The following DLG2 variants were observed in gnomAD, a reference collection of about 807,000 sequenced individuals.
DLG2 encodes discs large MAGUK scaffold protein 2.
In DLG2, 45 loss-of-function variants were observed where a neutral mutation model predicts 132.5. That is an observed-to-expected ratio of 0.34 (90% CI 0.27 to 0.44). The LOEUF is 0.44. Among genes scored for constraint, DLG2 ranks in the 20% least tolerant of loss-of-function variants. The probability of loss-of-function intolerance (pLI) is 1.00; values close to 1 mark genes in which losing one functional copy is unlikely to be tolerated. For missense variants in DLG2, 1,045 were observed against 1,196.9 expected (o/e 0.87, Z 1.87); for synonymous variants, 424 against 419.6 (o/e 1.01, Z -0.13).
intron 2 of DLG2, among the ~76,000 whole-genome samples, chr11:85,608,852 ATGTCAT>A (rs1401075525): frequency 6.6e-6 from 1 of 152,170 alleles, no homozygotes; most frequent in Non-Finnish European, 1.5e-5. Context: ...TTTTGGAGAG[ATGTCAT>A]GCTATTGTTA....
chr11:85,226,987 C>G (rs1423720150), intron 4 of DLG2, among the ~76,000 whole-genome samples: 1 of 152,106 alleles, frequency 6.6e-6, no homozygotes, highest in Non-Finnish European at 1.5e-5. Flanking sequence ...AATTAGACAT[C>G]TTGGCTTCTT....
At chr11:85,243,442 C>T (rs896993490) in intron 4 of DLG2, among the ~76,000 whole-genome samples, 18 of 151,890 alleles carry the variant, frequency 1.2e-4, no homozygotes, top group East Asian at 1.2e-3. Flanking sequence ...AATAAATTCC[C>T]GACTTAAAGT....
chr11:83,837,013 A>C (rs184189570), intron 16 of DLG2, among the ~76,000 whole-genome samples: 7 of 152,206 alleles, frequency 4.6e-5, no homozygotes, highest in African/African-American at 1.7e-4. Context: ...ACTAACACCA[A>C]TCGGGGAGAG....
intron 3 of DLG2, among the ~76,000 whole-genome samples, chr11:85,407,736 G>T (rs2088897206): frequency 6.6e-6 from 1 of 151,724 alleles, no homozygotes; most frequent in Non-Finnish European, 1.5e-5. Flanking sequence ...CTACAACACA[G>T]AATTGTCCCA....
At chr11:85,251,808 T>C (rs1000709063) in intron 4 of DLG2, among the ~76,000 whole-genome samples, 3 of 152,188 alleles carry the variant, frequency 2.0e-5, no homozygotes, top group Admixed American at 6.5e-5. Flanking sequence ...TTTATGATTT[T>C]GTGATATTTG....
chr11:84,248,526 C>T (rs2154348675), intron 8 of DLG2, among the ~76,000 whole-genome samples: 1 of 152,112 alleles, frequency 6.6e-6, no homozygotes, highest in East Asian at 1.9e-4. Context: ...GATCCTTACC[C>T]TTAAGGAAGC....
At chr11:84,452,187 G>T (rs1325202693) in intron 7 of DLG2, among the ~76,000 whole-genome samples, 1 of 151,522 alleles carries the variant, frequency 6.6e-6, no homozygotes, top group East Asian at 1.9e-4. Context: ...GGAAGAGGAG[G>T]AGGAGGACGA....
chr11:84,792,470 CT>C (rs555597963), intron 6 of DLG2, among the ~76,000 whole-genome samples: 5 of 150,926 alleles, frequency 3.3e-5, no homozygotes, highest in East Asian at 1.9e-4. Context: ...CCTTTCTCTT[CT>C]TTTTTTTTGG....
intron 6 of DLG2, among the ~76,000 whole-genome samples, chr11:84,982,408 C>A (rs1300064019): frequency 1.3e-5 from 2 of 151,990 alleles, no homozygotes; most frequent in African/African-American, 2.4e-5. Context: ...GTGTATAAAC[C>A]AAAAACCTAT....
At chr11:83,865,600 A>G (rs556153365) in intron 16 of DLG2, among the ~76,000 whole-genome samples, 1 of 151,894 alleles carries the variant, frequency 6.6e-6, no homozygotes, top group East Asian at 1.9e-4. Flanking sequence ...CAAGGGAGGA[A>G]CCGGTAGAGG....
intron 18 of DLG2, among the ~76,000 whole-genome samples, chr11:83,685,910 A>C (rs1018535730): frequency 1.3e-5 from 2 of 152,102 alleles, no homozygotes; most frequent in African/African-American, 4.8e-5. Context: ...TCTGGCCAAA[A>C]ACCTGGGAGT....
intron 11 of DLG2, among the ~76,000 whole-genome samples, chr11:84,042,065 C>T (rs1464016086): frequency 6.6e-6 from 1 of 151,916 alleles, no homozygotes; most frequent in African/African-American, 2.4e-5. Flanking sequence ...TTGTAAAATG[C>T]CCAGTCTCAG....
chr11:84,361,723 T>A (rs1355973968), intron 7 of DLG2, among the ~76,000 whole-genome samples: 1 of 152,024 alleles, frequency 6.6e-6, no homozygotes, highest in African/African-American at 2.4e-5. Context: ...AAAGCAAAAA[T>A]GATAGTAATC....
intron 20 of DLG2, among the ~76,000 whole-genome samples, chr11:83,534,030 T>G (rs1304118972): frequency 6.6e-6 from 1 of 152,098 alleles, no homozygotes; most frequent in Non-Finnish European, 1.5e-5. Flanking sequence ...TTGAGAAATA[T>G]TAGGAAAATA....
chr11:85,289,384 C>T (rs1008256894), intron 3 of DLG2, among the ~76,000 whole-genome samples: 1 of 152,080 alleles, frequency 6.6e-6, no homozygotes, highest in Non-Finnish European at 1.5e-5. Context: ...CTTAGAAATC[C>T]TCCTTCTCCT....
intron 18 of DLG2, among the ~76,000 whole-genome samples, chr11:83,758,563 G>C (rs1448741087): frequency 6.6e-6 from 1 of 152,056 alleles, no homozygotes; most frequent in African/African-American, 2.4e-5. Context: ...TAATGGCTGG[G>C]TAATCTAGAG....
At chr11:85,033,876 C>T (rs1437285941) in intron 6 of DLG2, among the ~76,000 whole-genome samples, 5 of 151,602 alleles carry the variant, frequency 3.3e-5, no homozygotes, top group African/African-American at 7.3e-5. Context: ...TCTTCTTTAT[C>T]GTTAGATATG....
intron 6 of DLG2, among the ~76,000 whole-genome samples, chr11:84,810,054 G>T (rs1045030567): frequency 1.8e-4 from 27 of 151,942 alleles, no homozygotes; most frequent in African/African-American, 6.5e-4. Context: ...TAAATCTTAT[G>T]ATATAAAATT....
At chr11:84,242,429 G>A (rs1197562440) in intron 8 of DLG2, among the ~76,000 whole-genome samples, 1 of 147,650 alleles carries the variant, frequency 6.8e-6, no homozygotes, top group African/African-American at 2.5e-5. Flanking sequence ...TTTTTGAAAT[G>A]GAGTCTTGCT....
Sources: gnomAD v4.1 joint callset for allele counts (sites outside exome capture counted in the v4.1 genomes callset) on GRCh38, gnomAD v4.1.1 for gene constraint, MANE v1.5 for transcripts, NCBI Gene and HGNC (gene_info 2026-07-23, HGNC 2026-07-21) for gene names.